The following SNTG1 variants were observed in gnomAD, a reference collection of about 807,000 sequenced individuals.
The protein encoded by SNTG1 is gamma-1-syntrophin.
A neutral mutation model predicts 74.7 loss-of-function variants in SNTG1; 39 were observed. That is an observed-to-expected ratio of 0.52 (90% CI 0.40 to 0.68). The LOEUF is 0.68. SNTG1 is among the 30% of genes least tolerant of loss of function. The pLI is 0.00. For missense variants in SNTG1, 685 were observed against 609.5 expected (o/e 1.12, Z -1.30); for synonymous variants, 254 against 217.1 (o/e 1.17, Z -1.49).
intron 8 of SNTG1, among the ~76,000 whole-genome samples, chr8:50,499,081 G>A (rs2093928814): frequency 6.6e-6 from 1 of 151,608 alleles, no homozygotes; most frequent in Non-Finnish European, 1.5e-5. Context: ...TTTTCCAAAG[G>A]TGGTTTGGTT....
intron 1 of SNTG1, among the ~76,000 whole-genome samples, chr8:50,038,986 TG>T (rs1818392659): frequency 6.6e-6 from 1 of 152,182 alleles, no homozygotes; most frequent in Non-Finnish European, 1.5e-5. Flanking sequence ...AGGAGCCCTT[TG>T]GGGAACTCCG....
chr8:50,718,863 GC>G (rs1291357653), intron 17 of SNTG1, among the ~76,000 whole-genome samples: 1 of 152,212 alleles, frequency 6.6e-6, no homozygotes, highest in African/African-American at 2.4e-5. Flanking sequence ...TTTATAAAGT[GC>G]TTAATCTCTG....
Position 50,461,657 on chromosome 8 carries a change from T to C in SNTG1, c.363+10928T>C, listed in dbSNP as rs1483152035. Among the ~76,000 whole-genome samples the C allele has an allele frequency of 2.0e-5, 3 of 152,198 alleles. No homozygotes were observed. In the East Asian group the frequency reaches 5.8e-4, roughly 29 times the overall value. On this transcript the variant is annotated intron_variant, in intron 8 of 18. Coordinates refer to ENST00000642720, the MANE Select transcript of SNTG1 (RefSeq NM_018967.5). ...CCAGTTTTGGGTATTGGGAACTCTT[T>C]CTGTGGACTTCAGTGTCACTTTTAA...
intron 9 of SNTG1, among the ~76,000 whole-genome samples, chr8:50,522,387 T>C (rs2094186569): frequency 6.6e-6 from 1 of 152,122 alleles, no homozygotes. Flanking sequence ...TAAACAGATA[T>C]GCTGCCATCT....
chr8:49,993,364 C>T (rs569686761), intron 1 of SNTG1, among the ~76,000 whole-genome samples: 1 of 45,498 alleles, frequency 2.2e-5, no homozygotes, highest in East Asian at 1.2e-3. Flanking sequence ...GTAAATTTTT[C>T]TGAGGTTTTT....
At chr8:50,516,799 A>G (rs923661886) in intron 9 of SNTG1, among the ~76,000 whole-genome samples, 3 of 152,224 alleles carry the variant, frequency 2.0e-5, no homozygotes, top group African/African-American at 7.2e-5. Context: ...ACTATGTGAA[A>G]AGACCAAACC....
At position 49,935,202 on chromosome 8, in the gene SNTG1, AGTGTGTGT is replaced by A. The variant is rs140067006; in HGVS notation, c.-103+23002_-103+23009del. On this transcript the variant is annotated intron_variant, in intron 1 of 18. Transcript: ENST00000642720. ...TGGAATGAGACAGCAGCCAAGCAGA[AGTGTGTGT>A]GTGTGTGTGTGTGTGTGTGTGTGTG... is the stretch of plus-strand genomic sequence containing the variant. 1.7e-3 allele frequency among the ~76,000 whole-genome samples: 222 copies of A among 133,872 alleles called. 1 individual carries two copies. The highest frequency in any genetic ancestry group is 8.1e-3 in the Middle Eastern group (2 of 246). 87.8% of individuals were successfully genotyped at this position (133,872 alleles called of 152,430 possible). A position where few individuals can be genotyped will look rare whatever the true frequency, so the allele number is the denominator to read the frequency against.
chr8:50,520,193 G>T (rs982178138), intron 9 of SNTG1, among the ~76,000 whole-genome samples: 2 of 152,136 alleles, frequency 1.3e-5, no homozygotes, highest in African/African-American at 4.8e-5. Flanking sequence ...AATGGGGAAA[G>T]GATTCCCTAT....
At chr8:50,378,833 C>T (rs1429530125) in intron 2 of SNTG1, among the ~76,000 whole-genome samples, 1 of 151,974 alleles carries the variant, frequency 6.6e-6, no homozygotes, top group African/African-American at 2.4e-5. Flanking sequence ...GATCCTAGGG[C>T]TTTTACGGGC....
At chr8:50,749,917 G>T (rs780121127) in intron 17 of SNTG1, among the ~76,000 whole-genome samples, 3 of 152,116 alleles carry the variant, frequency 2.0e-5, no homozygotes, top group Middle Eastern at 3.4e-3. Flanking sequence ...TGCAGTCCAT[G>T]AATCAAGGAG....
At chr8:50,379,323 CA>C (rs1244670488) in intron 2 of SNTG1, among the ~76,000 whole-genome samples, 2 of 152,148 alleles carry the variant, frequency 1.3e-5, no homozygotes, top group Non-Finnish European at 2.9e-5. Context: ...CCTATGAAAG[CA>C]GGGGGGGCCT....
chr8:50,307,368 C>CATT (rs1052078950), intron 2 of SNTG1, among the ~76,000 whole-genome samples: 1 of 151,720 alleles, frequency 6.6e-6, no homozygotes, highest in African/African-American at 2.4e-5. Flanking sequence ...GTATATATTT[C>CATT]ATTATTATTA....
At chr8:50,207,360 G>A (rs1320771743) in intron 2 of SNTG1, among the ~76,000 whole-genome samples, 1 of 152,174 alleles carries the variant, frequency 6.6e-6, no homozygotes, top group Non-Finnish European at 1.5e-5. Context: ...GCATAGAGGT[G>A]TTTATAGTAT....
intron 8 of SNTG1, among the ~76,000 whole-genome samples, chr8:50,460,080 C>T (rs192048488): frequency 6.6e-6 from 1 of 152,210 alleles, no homozygotes; most frequent in Admixed American, 6.5e-5. Context: ...TTTTGGGAAA[C>T]CTATAAACTG....
chr8:50,656,117 T>C (rs2095178822), intron 13 of SNTG1, among the ~76,000 whole-genome samples: 1 of 152,160 alleles, frequency 6.6e-6, no homozygotes, highest in Admixed American at 6.6e-5. Flanking sequence ...GTAAATTATA[T>C]GAAGTGGGAG....
intron 2 of SNTG1, among the ~76,000 whole-genome samples, chr8:50,177,660 T>C (rs909729135): frequency 8.5e-5 from 13 of 152,170 alleles, no homozygotes; most frequent in Admixed American, 5.2e-4. Context: ...AACAAAGACT[T>C]ACTTAGCCTT....
At chr8:50,324,156 A>G (rs2090641619) in intron 2 of SNTG1, among the ~76,000 whole-genome samples, 1 of 152,154 alleles carries the variant, frequency 6.6e-6, no homozygotes, top group Admixed American at 6.5e-5. Context: ...GGGATGGGCC[A>G]TTCCTCTCCA....
At chr8:50,436,590 T>C (rs540617029) in intron 4 of SNTG1, among the ~76,000 whole-genome samples, 120 of 152,276 alleles carry the variant, frequency 7.9e-4, no homozygotes, top group Non-Finnish European at 1.3e-3. Context: ...AACAGAGGCT[T>C]ATAAGTAATT....
At chr8:50,023,628 C>T (rs1817015007) in intron 1 of SNTG1, among the ~76,000 whole-genome samples, 1 of 152,038 alleles carries the variant, frequency 6.6e-6, no homozygotes, top group Admixed American at 6.6e-5. Context: ...GGATGATTTT[C>T]TTAGCTTTTT....
Sources: allele counts gnomAD v4.1 joint callset (sites outside exome capture counted in the v4.1 genomes callset), GRCh38; gene constraint gnomAD v4.1.1; transcripts MANE v1.5; gene names NCBI Gene and HGNC (gene_info 2026-07-23, HGNC 2026-07-21).